Variants in DCAF7 observed in about 807,000 individuals in gnomAD.
The protein encoded by DCAF7 is DDB1 and CUL4 associated factor 7.
DCAF7 carries 4 observed loss-of-function variants against 41.2 expected under a neutral mutation model. The ratio of observed to expected loss-of-function variants is 0.10; its 90% CI spans 0.05 to 0.22. The LOEUF is 0.22. Ranked by LOEUF, DCAF7 falls within the 10% of genes least tolerant of loss-of-function variation. DCAF7 has a pLI of 1.00. For synonymous variants in DCAF7, 143 were observed against 164.2 expected (o/e 0.87, Z 0.99); for missense variants, 131 against 443.2 (o/e 0.30, Z 6.32).
Position 63,589,276 on chromosome 17 carries a change from C to T in DCAF7, c.*104C>T, listed in dbSNP as rs1409269351. The T allele has an allele frequency of 2.1e-6, 3 of 1,453,880 alleles. No individual in the cohort carries two copies. Among genetic ancestry groups the T allele is most frequent in the Non-Finnish European group, 2.8e-6 (3 of 1,056,468 alleles). The allele number at this position is 1,453,880 out of a possible 1,614,324, so 90.1% of individuals were successfully genotyped here. A position where few individuals can be genotyped will look rare whatever the true frequency, so the allele number is the denominator to read the frequency against. On this transcript the variant is annotated 3_prime_UTR_variant, in exon 7 of 7. Coordinates refer to ENST00000614556, the MANE Select transcript of DCAF7 (RefSeq NM_005828.5). ...TGTTTCCAGTGGCCAGTATGTCTTT[C>T]ATTGCTTTGCACCCACTGTTACCAG...
intron 1 of DCAF7, among the ~76,000 whole-genome samples, chr17:63,557,512 A>AAAAG (rs747066528): frequency 2.0e-5 from 3 of 152,252 alleles, no homozygotes; most frequent in East Asian, 3.9e-4. Flanking sequence ...GTCAAAAAAA[A>AAAAG]AAAGAAAGAA....
At chr17:63,552,043 A>T (rs1158443690) in intron 1 of DCAF7, among the ~76,000 whole-genome samples, 1 of 151,238 alleles carries the variant, frequency 6.6e-6, no homozygotes, top group Non-Finnish European at 1.5e-5. Flanking sequence ...GCGCCACTGC[A>T]CTCCAGCCTG....
chr17:63,585,110 G>A, intron 5 of DCAF7, 101 bp from the exon 6 acceptor site: 1 of 922,328 alleles, frequency 1.1e-6, no homozygotes, highest in Non-Finnish European at 1.7e-6. Context: ...ATCCACAAAT[G>A]AAAAATTATG....
chr17:63,567,701 C>T (rs911665219), intron 1 of DCAF7, among the ~76,000 whole-genome samples: 2 of 152,176 alleles, frequency 1.3e-5, no homozygotes, highest in African/African-American at 2.4e-5. Context: ...ACTTTGTTGC[C>T]CAGGCTGGAG....
At chr17:63,552,860 C>T (rs2033271900) in intron 1 of DCAF7, among the ~76,000 whole-genome samples, 1 of 152,198 alleles carries the variant, frequency 6.6e-6, no homozygotes, top group South Asian at 2.1e-4. Flanking sequence ...ACACAGGTAG[C>T]ATGGCTTAGC....
Position 63,579,809 on chromosome 17 carries a change from C to T in DCAF7, c.410-16C>T. 1 of 1,607,298 alleles carries T rather than the reference C, an allele frequency of 6.2e-7. No homozygotes were observed. Among genetic ancestry groups the T allele is most frequent in the Non-Finnish European group, 8.5e-7 (1 of 1,174,088 alleles). The stretch of plus-strand genomic sequence containing the variant: ...CCTTGGTCCCGTCAGCCCTGACTTG[C>T]ACTGGTTGTTTGCAGGTACCTCAAG... On this transcript the variant is annotated splice_polypyrimidine_tract_variant and intron_variant, in intron 3 of 6. Coordinates refer to ENST00000614556, the MANE Select transcript of DCAF7 (RefSeq NM_005828.5).
intron 4 of DCAF7, among the ~76,000 whole-genome samples, chr17:63,582,140 C>T (rs558997675): frequency 3.2e-4 from 48 of 152,294 alleles, no homozygotes; most frequent in Non-Finnish European, 5.6e-4. Context: ...CTGTCAGGCA[C>T]GTCAGGCCTG....
intron 1 of DCAF7, among the ~76,000 whole-genome samples, chr17:63,566,444 ATGAG>A (rs1268788251): frequency 6.6e-6 from 1 of 152,184 alleles, no homozygotes; most frequent in African/African-American, 2.4e-5. Context: ...ACAAAAATAA[ATGAG>A]TAAGAGTAGT....
rs528771092 is a variant in DCAF7, at chr17:63,571,205, A to G, written c.139-7265A>G. ...CGTCTCAAAAAAAAAAAAGAAAAGAAAATTGATATATTGTGTAAAGGAAGT... is the reference window on the plus strand; with the variant it reads ...CGTCTCAAAAAAAAAAAAGAAAAGAGAATTGATATATTGTGTAAAGGAAGT... On this transcript the variant is annotated intron_variant, in intron 1 of 6. Coordinates refer to ENST00000614556, the MANE Select transcript of DCAF7 (RefSeq NM_005828.5). Among the ~76,000 whole-genome samples, 13 of 152,208 alleles carry G rather than the reference A, an allele frequency of 8.5e-5. No homozygotes were observed. The South Asian group carries it at 2.7e-3, about 32-fold the overall frequency.
chr17:63,563,787 C>A (rs2033408927), intron 1 of DCAF7, among the ~76,000 whole-genome samples: 1 of 151,706 alleles, frequency 6.6e-6, no homozygotes, highest in Admixed American at 6.6e-5. Flanking sequence ...TGCACTCCAG[C>A]TTGGGCGACA....
rs944878826 is a variant in DCAF7 at position 63,550,483 on chromosome 17, C to G, written c.-195C>G. Reference sequence around the variant, plus strand: ...CCCAAAACGGAAGGTGGTTGTCGTCCGTTCCCAAGCTGGTTTGAAACTAGG... The same window carrying G: ...CCCAAAACGGAAGGTGGTTGTCGTCGGTTCCCAAGCTGGTTTGAAACTAGG... On this transcript the variant is annotated 5_prime_UTR_variant, in exon 1 of 7. Coordinates refer to ENST00000614556, the MANE Select transcript of DCAF7 (RefSeq NM_005828.5). The surrounding 1 kb of genome is among the most constrained non-coding windows in gnomAD (Gnocchi z 4.8). 1.5e-5 allele frequency: 13 copies of G among 872,362 alleles called. No homozygotes were observed. The Admixed American group carries it at 4.2e-4, about 28-fold the overall frequency. 54.0% of individuals were successfully genotyped at this position (872,362 alleles called of 1,614,324 possible). A position where few individuals can be genotyped will look rare whatever the true frequency, so the allele number is the denominator to read the frequency against.
At chr17:63,588,311 C>T (rs2033699403) in intron 6 of DCAF7, among the ~76,000 whole-genome samples, 2 of 150,554 alleles carry the variant, frequency 1.3e-5, no homozygotes, top group Admixed American at 6.6e-5. Context: ...CCTCAGCCAC[C>T]GAAGTAGCTG....
chr17:63,579,546 G>C, intron 3 of DCAF7, 98 bp downstream of exon 3: 1 of 894,694 alleles, frequency 1.1e-6, no homozygotes, highest in Non-Finnish European at 1.7e-6. Context: ...AAGGCTCAGT[G>C]GGAAGTAGGC....
chr17:63,561,633 C>T (rs572247148), intron 1 of DCAF7, among the ~76,000 whole-genome samples: 27 of 152,128 alleles, frequency 1.8e-4, no homozygotes, highest in African/African-American at 6.3e-4. Context: ...GTGGGAGGAT[C>T]GCTTGAGCCC....
At chr17:63,578,062 T>C (rs1284667066) in intron 1 of DCAF7, among the ~76,000 whole-genome samples, 1 of 152,168 alleles carries the variant, frequency 6.6e-6, no homozygotes, top group East Asian at 1.9e-4. Context: ...TGTAGTACAG[T>C]GTCAAGACTT....
chr17:63,569,232 A>G (rs1359035327), intron 1 of DCAF7, among the ~76,000 whole-genome samples: 1 of 152,172 alleles, frequency 6.6e-6, no homozygotes, highest in African/African-American at 2.4e-5. Context: ...GGGTCATCTT[A>G]TAGGCGTGGA....
intron 6 of DCAF7, among the ~76,000 whole-genome samples, chr17:63,585,660 A>T (rs1477696210): frequency 2.0e-5 from 3 of 152,190 alleles, no homozygotes; most frequent in Admixed American, 6.5e-5. Context: ...TCATGGATAT[A>T]ACAGAATCTT....
At chr17:63,577,835 G>A (rs929531764) in intron 1 of DCAF7, among the ~76,000 whole-genome samples, 6 of 152,146 alleles carry the variant, frequency 3.9e-5, no homozygotes, top group African/African-American at 1.4e-4. Context: ...ATACCTTAGG[G>A]GTTTCAGGGG....
intron 6 of DCAF7, among the ~76,000 whole-genome samples, chr17:63,587,447 G>A (rs2033689008): frequency 6.6e-6 from 1 of 152,118 alleles, no homozygotes; most frequent in African/African-American, 2.4e-5. Context: ...TCTGCTCCTG[G>A]CTGCTGCCTT....
Sources: allele counts gnomAD v4.1 joint callset (sites outside exome capture counted in the v4.1 genomes callset), GRCh38; gene constraint gnomAD v4.1.1; non-coding constraint Gnocchi (gnomAD v3.1); transcripts MANE v1.5; gene names NCBI Gene and HGNC (gene_info 2026-07-23, HGNC 2026-07-21).